The following ALG13 variants were observed in gnomAD, a reference collection of about 807,000 sequenced individuals.
ALG13 encodes the protein UDP-N-acetylglucosamine transferase subunit ALG13.
A neutral mutation model predicts 87.8 loss-of-function variants in ALG13; 11 were observed. The observed-to-expected ratio is 0.13, with a 90% confidence interval of 0.08 to 0.21. The LOEUF (loss-of-function observed/expected upper bound fraction) is 0.21. Ranked by LOEUF, ALG13 falls within the 10% of genes least tolerant of loss-of-function variation. ALG13 has a pLI of 1.00. For missense variants in ALG13, 756 were observed against 866.1 expected (o/e 0.87, Z 1.60); for synonymous variants, 320 against 306.3 (o/e 1.04, Z -0.47).
At chrX:111,720,248 A>G (rs1941235400) in intron 11 of ALG13, 78 bp downstream of exon 11, 1 of 672,473 alleles carries the variant, frequency 1.5e-6, no homozygotes, top group Non-Finnish European at 2.2e-6. Flanking sequence ...AAAGTCAGAT[A>G]TTATATTCTA....
At chrX:111,750,656 CTTA>C (rs1353676773) in intron 24 of ALG13, among the ~76,000 whole-genome samples, 1 of 108,782 alleles carries the variant, frequency 9.2e-6, no homozygotes, top group Non-Finnish European at 1.9e-5. Flanking sequence ...TGTTTATTTA[CTTA>C]TTTATTTATT....
intron 3 of ALG13, among the ~76,000 whole-genome samples, chrX:111,707,113 G>A: frequency 9.0e-6 from 1 of 110,973 alleles, no homozygotes; most frequent in Non-Finnish European, 1.9e-5. Context: ...CAAGCAATTG[G>A]GCCTGCCTTT....
In ALG13 at chrX:111,727,392, A is replaced by G. The variant is rs764270660; in HGVS notation, c.2037A>G (p.Pro679=). The change falls in exon 17 of 27, where the codon CCA becomes CCG. Residue 679 remains proline, a synonymous_variant. Coordinates refer to ENST00000394780, the MANE Select transcript of ALG13 (RefSeq NM_001099922.3). ...CGGGCCCTAAAGTTGATTTTTACCC[A>G]GGCCCAGGTAAAAGGTGCTGCCAGA... The part of the protein sequence containing the change: ...NMPGPKVDFY[P]GPGKRCCQSY... 2.8e-5 allele frequency: 34 copies of G among 1,208,199 alleles called. No individual in the cohort carries two copies. Among genetic ancestry groups the G allele is most frequent in the South Asian group, 5.3e-5 (3 of 56,363 alleles).
intron 6 of ALG13, 43 bp from the exon 7 acceptor site, chrX:111,712,441 C>A: frequency 1.0e-6 from 1 of 987,114 alleles, no homozygotes; most frequent in Non-Finnish European, 1.4e-6. Context: ...TACCTCCTAG[C>A]TACAGAATGT....
At position 111,759,762 on chromosome X, in the gene ALG13, T is replaced by C. The variant is rs1945590003; in HGVS notation, c.3177T>C (p.Ser1059=). 2 of 1,206,205 alleles carry C rather than the reference T, an allele frequency of 1.7e-6. No individual in the cohort carries two copies. Among genetic ancestry groups the C allele is most frequent in the African/African-American group, 3.5e-5 (2 of 57,165 alleles). Residue 1059 remains serine, a synonymous_variant, in exon 27 of 27, where the codon TCT becomes TCC. Transcript: ENST00000394780. ...NDTFPNADSS[S]VPHGAVYYPV... is the part of the protein sequence containing the mutation. Reference sequence around the variant, plus strand: ...CTTTTCCGAATGCTGATTCTTCATCTGTCCCTCATGGAGCAGTCTATTATC... The same window carrying C: ...CTTTTCCGAATGCTGATTCTTCATCCGTCCCTCATGGAGCAGTCTATTATC...
intron 23 of ALG13, chrX:111,743,934 G>A (rs759287340): frequency 5.1e-4 from 57 of 111,196 alleles, no homozygotes; most frequent in African/African-American, 1.9e-3. Flanking sequence ...AAATTTGCGT[G>A]TTATGTCATA....
intron 19 of ALG13, among the ~76,000 whole-genome samples, chrX:111,728,960 TATC>T (rs1942378599): frequency 9.0e-6 from 1 of 111,731 alleles, no homozygotes; most frequent in African/African-American, 3.3e-5. Context: ...ATAATTTACA[TATC>T]ATACAATTCA....
chrX:111,719,768 A>T (rs924789864), intron 10 of ALG13, among the ~76,000 whole-genome samples: 8 of 111,919 alleles, frequency 7.1e-5, no homozygotes, highest in Non-Finnish European at 1.5e-4. Flanking sequence ...GCTCTGCTAC[A>T]TTGCAGTGGT....
At chrX:111,720,755 G>A (rs1324262234) in intron 11 of ALG13, among the ~76,000 whole-genome samples, 3 of 111,433 alleles carry the variant, frequency 2.7e-5, no homozygotes, top group Non-Finnish European at 5.7e-5. Context: ...AACAGGATTT[G>A]ACCATAATGA....
chrX:111,720,142 G>A lies in ALG13; in HGVS notation c.1298G>A (p.Gly433Asp). Residue 433 changes from glycine to aspartate, a missense_variant, in exon 11 of 27, where the codon GGC becomes GAC. Gly to Asp is a moderately conservative substitution (Grantham distance 94). Transcript: ENST00000394780. ...TACAATGCTGAAAATATACCAGAGG[G>A]CTACAATAAAGGAACAGAAGAAACA... is the stretch of plus-strand genomic sequence containing the variant. ...ACYNAENIPE[G>D]YNKGTEETKS... 8.4e-7 allele frequency: 1 copy of A among 1,191,155 alleles called. No homozygotes were observed. The highest frequency in any genetic ancestry group is 1.8e-5 in the African/African-American group (1 of 57,099).
intron 2 of ALG13, among the ~76,000 whole-genome samples, chrX:111,683,324 C>CTTTTTTTT (rs1487158124): frequency 1.1e-5 from 1 of 93,294 alleles, no homozygotes. Flanking sequence ...TCCTTTCTTT[C>CTTTTTTTT]TATTTTTTTT....
chrX:111,709,987 A>G (rs970100084), intron 5 of ALG13, among the ~76,000 whole-genome samples: 6 of 110,401 alleles, frequency 5.4e-5, no homozygotes, highest in African/African-American at 2.0e-4. Context: ...GTTAAAATAC[A>G]GGTTTTCATT....
At position 111,686,232 on chromosome X, in the gene ALG13, G is replaced by A. The variant is rs112282413; in HGVS notation, c.383+1129G>A. On this transcript the variant is annotated intron_variant, in intron 3 of 26. Transcript: ENST00000394780. ...CTATCCTAGTTTGATGTTGCAAGAA[G>A]TAAATGCCTCATAGAATTACTATAT... 6.1e-3 allele frequency: 4,308 copies of A among 704,282 alleles called. 111 individuals carry two copies. In the African/African-American group the frequency reaches 0.083, roughly 14 times the overall value. 58.0% of individuals were successfully genotyped at this position (704,282 alleles called of 1,213,427 possible).
At position 111,730,717 on chromosome X, in the gene ALG13, G is replaced by A. The variant is rs137986545; in HGVS notation, c.2457+137G>A. The A allele has an allele frequency of 5.3e-3, 2,514 of 470,816 alleles. 7 individuals are homozygous for A. The highest frequency in any genetic ancestry group is 7.3e-3 in the Non-Finnish European group (2,058 of 282,031). 38.8% of individuals were successfully genotyped at this position (470,816 alleles called of 1,213,427 possible). On this transcript the variant is annotated intron_variant, in intron 21 of 26. Transcript: ENST00000394780. ...TCATTCTCATTTTGAAGATGAAATT[G>A]AGACAGAAATTAACTCGTGTTCTGG...
chrX:111,711,761 T>G (rs1225092289), intron 6 of ALG13, 36 bp downstream of exon 6: 1 of 1,134,664 alleles, frequency 8.8e-7, no homozygotes, highest in African/African-American at 1.8e-5. Context: ...CTTTTCAGAG[T>G]TATTTGGAAT....
At position 111,718,374 on chromosome X, in the gene ALG13, A is replaced by G. The variant is rs185996905; in HGVS notation, c.1250+100A>G. On this transcript the variant is annotated intron_variant, in intron 10 of 26. Coordinates refer to ENST00000394780, the MANE Select transcript of ALG13 (RefSeq NM_001099922.3). Reference sequence around the variant, plus strand: ...GCCTGGCAAGCTTATGAGTTAGGTTACATATTCACACGTACACATATGTTA... The same window carrying G: ...GCCTGGCAAGCTTATGAGTTAGGTTGCATATTCACACGTACACATATGTTA... 198 of 656,757 alleles carry G rather than the reference A, an allele frequency of 3.0e-4. 1 individual carries two copies. Among genetic ancestry groups the G allele is most frequent in the Middle Eastern group, 1.2e-3 (3 of 2,439 alleles). The allele number at this position is 656,757 out of a possible 1,213,427, so 54.1% of individuals were successfully genotyped here. A position where few individuals can be genotyped will look rare whatever the true frequency, so the allele number is the denominator to read the frequency against.
intron 3 of ALG13, 90 bp from the exon 4 acceptor site, chrX:111,707,937 T>G: frequency 5.1e-6 from 5 of 978,759 alleles, no homozygotes; most frequent in Non-Finnish European, 6.8e-6. Context: ...AGGAGGTAAC[T>G]CTAAGTACTT....
At position 111,711,686 on chromosome X, in the gene ALG13, A is replaced by C. The variant is rs1424888064; in HGVS notation, c.846A>C (p.Gly282=). ...TTTTATTTTTGAAGTATGTGGAGGGATCTTTTGAGAAATACCTGGAACGGT... is the reference window on the plus strand; with the variant it reads ...TTTTATTTTTGAAGTATGTGGAGGGCTCTTTTGAGAAATACCTGGAACGGT... ...NQQTFESYVE[G]SFEKYLERLG... is the part of the protein sequence containing the mutation. Residue 282 remains glycine (G), a synonymous_variant, in exon 6 of 27, where the codon GGA becomes GGC. Transcript: ENST00000394780. The C allele has an allele frequency of 8.3e-7, 1 of 1,206,906 alleles. No individual in the cohort carries two copies. The highest frequency in any genetic ancestry group is 1.7e-5 in the African/African-American group (1 of 57,180).
chrX:111,718,288 A>G lies in ALG13; in HGVS notation c.1250+14A>G. On this transcript the variant is annotated intron_variant, in intron 10 of 26. Transcript: ENST00000394780. ...AAATCAGAATAGGTAATAAAGGGAAAGGGGATATCATGATAATTATGTTTC... is the reference window on the plus strand; with the variant it reads ...AAATCAGAATAGGTAATAAAGGGAAGGGGGATATCATGATAATTATGTTTC... The G allele has an allele frequency of 8.6e-7, 1 of 1,159,911 alleles. No individual in the cohort carries two copies. Among genetic ancestry groups the G allele is most frequent in the Non-Finnish European group, 1.2e-6 (1 of 861,617 alleles).
Sources: allele counts gnomAD v4.1 joint callset (sites outside exome capture counted in the v4.1 genomes callset), GRCh38; gene constraint gnomAD v4.1.1; transcripts MANE v1.5; gene names NCBI Gene and HGNC (gene_info 2026-07-23, HGNC 2026-07-21).